GRM5: variants seen among roughly 807,000 people sequenced by gnomAD.
GRM5 encodes the protein glutamate metabotropic receptor 5, also known as metabotropic glutamate receptor 5.
GRM5 carries 19 observed loss-of-function variants against 83.1 expected under a neutral mutation model. That is an observed-to-expected ratio of 0.23 (90% CI 0.16 to 0.34). The LOEUF is 0.34. Ranked by LOEUF, GRM5 falls within the 10% of genes least tolerant of loss-of-function variation. The probability of loss-of-function intolerance (pLI) is 1.00; values close to 1 mark genes in which losing one functional copy is unlikely to be tolerated. For synonymous variants in GRM5, 675 were observed against 633.6 expected (o/e 1.07, Z -0.98); for missense variants, 1,160 against 1,588.3 (o/e 0.73, Z 4.58).
intron 5 of GRM5, among the ~76,000 whole-genome samples, chr11:88,600,298 T>G (rs930724102): frequency 1.2e-4 from 5 of 41,256 alleles, no homozygotes; most frequent in East Asian, 9.1e-4. Flanking sequence ...CCCCCACCCC[T>G]TCCCCCTCTC....
intron 2 of GRM5, among the ~76,000 whole-genome samples, chr11:88,966,747 A>C (rs1405494506): frequency 6.6e-6 from 1 of 152,164 alleles, no homozygotes; most frequent in East Asian, 1.9e-4. Flanking sequence ...TGAGACTTTG[A>C]AGTCTCCCCC....
intron 2 of GRM5, among the ~76,000 whole-genome samples, chr11:88,903,063 A>G (rs1388924424): frequency 6.6e-6 from 1 of 151,978 alleles, no homozygotes; most frequent in Non-Finnish European, 1.5e-5. Flanking sequence ...GTAGCCAGAG[A>G]TAGACTCCTG....
intron 5 of GRM5, among the ~76,000 whole-genome samples, chr11:88,604,456 T>C (rs1038786827): frequency 1.3e-5 from 2 of 152,234 alleles, no homozygotes; most frequent in African/African-American, 2.4e-5. Flanking sequence ...TCTATGATCA[T>C]GTGAGTTTCC....
rs370490722 is a variant in GRM5, at chr11:88,977,691, TGAAA to T, written c.661+69517_661+69520del. On this transcript the variant is annotated intron_variant, in intron 2 of 9. Coordinates refer to ENST00000305447, the MANE Select transcript of GRM5 (RefSeq NM_001143831.3). ...CAGGTAAGAAGCACATTTCTGCAAG[TGAAA>T]GATTAAGATTTTAATTCAAGATTTC... 2.6e-4 allele frequency among the ~76,000 whole-genome samples: 39 copies of T among 152,314 alleles called. 1 individual carries two copies. The East Asian group carries it at 7.1e-3, about 28-fold the overall frequency.
At chr11:88,569,279 A>G (rs947650230) in intron 7 of GRM5, among the ~76,000 whole-genome samples, 7 of 152,314 alleles carry the variant, frequency 4.6e-5, no homozygotes, top group Admixed American at 2.0e-4. Flanking sequence ...GACTTGAAAG[A>G]AAATGGACTT....
At chr11:88,664,554 C>T (rs754217721) in intron 3 of GRM5, among the ~76,000 whole-genome samples, 2 of 152,078 alleles carry the variant, frequency 1.3e-5, no homozygotes, top group African/African-American at 4.8e-5. Flanking sequence ...TCAAGCAATT[C>T]TCCTGCCTCA....
intron 1 of GRM5, among the ~76,000 whole-genome samples, chr11:89,054,620 A>T (rs11018443): frequency 1.3e-5 from 2 of 151,820 alleles, no homozygotes; most frequent in South Asian, 4.2e-4. Flanking sequence ...CTAGTGCCAG[A>T]GGTTGTGCCC....
intron 1 of GRM5, among the ~76,000 whole-genome samples, chr11:89,050,975 A>T (rs1173776348): frequency 2.6e-5 from 4 of 152,190 alleles, no homozygotes; most frequent in Admixed American, 2.0e-4. Context: ...GAGACAGAGG[A>T]TCAGGAAAGA....
chr11:88,930,846 C>T (rs1937679431), intron 2 of GRM5, among the ~76,000 whole-genome samples: 1 of 152,088 alleles, frequency 6.6e-6, no homozygotes, highest in African/African-American at 2.4e-5. Context: ...AGTCACCACA[C>T]TCGGCCTCAT....
At chr11:88,902,418 A>G (rs1281393964) in intron 2 of GRM5, among the ~76,000 whole-genome samples, 1 of 152,214 alleles carries the variant, frequency 6.6e-6, no homozygotes, top group East Asian at 1.9e-4. Context: ...AGCACTTGGC[A>G]TGGTATCTAG....
chr11:88,646,039 T>C (rs984919923), intron 4 of GRM5, among the ~76,000 whole-genome samples: 1 of 152,016 alleles, frequency 6.6e-6, no homozygotes, highest in African/African-American at 2.4e-5. Flanking sequence ...ATGTTTAAGT[T>C]TGAGATGCTT....
At chr11:88,992,379 G>T (rs1031764747) in intron 2 of GRM5, among the ~76,000 whole-genome samples, 4 of 151,948 alleles carry the variant, frequency 2.6e-5, no homozygotes, top group Non-Finnish European at 5.9e-5. Flanking sequence ...AGGTGCTGGA[G>T]AGGATGTGGA....
chr11:88,901,994 A>G (rs1334121144), intron 2 of GRM5, among the ~76,000 whole-genome samples: 3 of 152,096 alleles, frequency 2.0e-5, no homozygotes, highest in African/African-American at 7.2e-5. Context: ...CGTGGTTGCC[A>G]TCCTTTTCTA....
chr11:89,064,077 G>A (rs538435433), intron 1 of GRM5, among the ~76,000 whole-genome samples: 42 of 152,204 alleles, frequency 2.8e-4, no homozygotes, highest in Non-Finnish European at 5.1e-4. Context: ...CTTGTCTCAG[G>A]GGGAATATCC....
At chr11:88,670,166 A>G (rs1287827000) in intron 3 of GRM5, among the ~76,000 whole-genome samples, 1 of 152,020 alleles carries the variant, frequency 6.6e-6, no homozygotes, top group African/African-American at 2.4e-5. Context: ...TTCTAATAAA[A>G]AAGATTCTAG....
rs1327627972 is a variant in GRM5, at chr11:88,757,675, C to T, written c.911+92231G>A. On this transcript the variant is annotated intron_variant, in intron 3 of 9. Coordinates refer to ENST00000305447, the MANE Select transcript of GRM5 (RefSeq NM_001143831.3). ...CCTCCTCCAGTTACGCTGTCTCCCC[C>T]ACTGCTACGAATGCAATACAGAGGC... Among the ~76,000 whole-genome samples the T allele has an allele frequency of 4.6e-5, 7 of 152,256 alleles. No individual in the cohort carries two copies. The South Asian group carries it at 6.2e-4, about 14-fold the overall frequency.
chr11:89,022,483 A>C (rs1941009434), intron 2 of GRM5, among the ~76,000 whole-genome samples: 2 of 109,282 alleles, frequency 1.8e-5, no homozygotes, highest in Non-Finnish European at 3.7e-5. Flanking sequence ...CCTACTAAAA[A>C]TACAAAAAAA....
chr11:88,623,739 G>A (rs1037481636), intron 4 of GRM5, among the ~76,000 whole-genome samples: 1 of 152,182 alleles, frequency 6.6e-6, no homozygotes, highest in Admixed American at 6.5e-5. Context: ...GTTCACGATA[G>A]GGTGCAAATG....
chr11:88,845,725 G>GCC lies in GRM5; in HGVS notation c.911+4179_911+4180dup, dbSNP rs66888159. The stretch of plus-strand genomic sequence containing the variant: ...TGGGATTACAGGCATGAACCACCGC[G>GCC]CCCCCCCCCACTTTTTATATGAATT... On this transcript the variant is annotated intron_variant, in intron 3 of 9. Coordinates refer to ENST00000305447, the MANE Select transcript of GRM5 (RefSeq NM_001143831.3). Among the ~76,000 whole-genome samples, 172 of 147,438 alleles carry GCC rather than the reference G, an allele frequency of 1.2e-3. 3 individuals are homozygous for GCC. The highest frequency in any genetic ancestry group is 0.01 in the East Asian group (51 of 5,098).
Sources: allele counts gnomAD v4.1 joint callset (sites outside exome capture counted in the v4.1 genomes callset), GRCh38; gene constraint gnomAD v4.1.1; transcripts MANE v1.5; gene names NCBI Gene and HGNC (gene_info 2026-07-23, HGNC 2026-07-21).